Variants in FRMPD4 observed in about 807,000 individuals in gnomAD.
FRMPD4 encodes FERM and PDZ domain-containing protein 4.
Under a neutral mutation model 94.1 loss-of-function variants are expected in FRMPD4, and 22 were observed. That is an observed-to-expected ratio of 0.23 (90% CI 0.17 to 0.33). The LOEUF (loss-of-function observed/expected upper bound fraction) is 0.33. Ranked by LOEUF, FRMPD4 falls within the 10% of genes least tolerant of loss-of-function variation. The pLI is 1.00. For missense variants in FRMPD4, 1,111 were observed against 1,339.9 expected, an observed-to-expected ratio of 0.83 and a Z score of 2.67; for synonymous variants, 631 against 548.6, an observed-to-expected ratio of 1.15 and a Z score of -2.10.
intron 2 of FRMPD4, among the ~76,000 whole-genome samples, chrX:12,580,868 GA>G (rs1372716569): frequency 8.9e-6 from 1 of 112,128 alleles, no homozygotes; most frequent in Non-Finnish European, 1.9e-5. Flanking sequence ...TCTTGGGAGG[GA>G]TAGAGCAGGA....
chrX:12,025,718 G>A (rs1045444532), intron 3 of FRMPD4, among the ~76,000 whole-genome samples: 12 of 111,860 alleles, frequency 1.1e-4, no homozygotes, highest in Non-Finnish European at 2.1e-4. Flanking sequence ...ACATATCAAG[G>A]AACTGAGAAC....
Position 12,580,784 on chromosome X carries a change from A to G in FRMPD4, c.159-28937A>G, listed in dbSNP as rs188456027. Reference sequence around the variant, plus strand: ...ACACTGTTGACCCTAGGATGTCAGGAGCAGACAATGTCAATGACTAATGGG... The same window carrying G: ...ACACTGTTGACCCTAGGATGTCAGGGGCAGACAATGTCAATGACTAATGGG... On this transcript the variant is annotated intron_variant, in intron 2 of 16. Coordinates refer to ENST00000675598, the MANE Select transcript of FRMPD4 (RefSeq NM_001368397.1). Among the ~76,000 whole-genome samples the G allele has an allele frequency of 2.7e-5, 3 of 111,860 alleles. No homozygotes were observed. In the East Asian group the frequency reaches 8.4e-4, roughly 31 times the overall value.
intron 1 of FRMPD4, among the ~76,000 whole-genome samples, chrX:12,337,167 A>G (rs759146791): frequency 8.9e-6 from 1 of 112,332 alleles, no homozygotes; most frequent in African/African-American, 3.2e-5. Flanking sequence ...AAATCCATGC[A>G]GTATACACTC....
chrX:11,986,562 GAAAT>G (rs2147392728), intron 3 of FRMPD4, among the ~76,000 whole-genome samples: 1 of 111,033 alleles, frequency 9.0e-6, no homozygotes, highest in Non-Finnish European at 1.9e-5. Flanking sequence ...TAGAAGAAAA[GAAAT>G]AAAGTTCACA....
intron 4 of FRMPD4, among the ~76,000 whole-genome samples, chrX:12,650,346 G>C (rs1311488625): frequency 8.9e-6 from 1 of 112,074 alleles, no homozygotes; most frequent in East Asian, 2.8e-4. Flanking sequence ...CAGAGTCTCA[G>C]GTCATTCCAT....
chrX:12,569,592 G>A (rs2058743298), intron 2 of FRMPD4, among the ~76,000 whole-genome samples: 1 of 112,071 alleles, frequency 8.9e-6, no homozygotes, highest in Non-Finnish European at 1.9e-5. Context: ...ACCACACTCT[G>A]TTTCTGTTTT....
chrX:12,719,122 A>T (rs1421335302), intron 16 of FRMPD4, among the ~76,000 whole-genome samples: 1 of 112,638 alleles, frequency 8.9e-6, no homozygotes, highest in Non-Finnish European at 1.9e-5. Context: ...TTAGAGTCAC[A>T]TAACAGTTTG....
intron 4 of FRMPD4, among the ~76,000 whole-genome samples, chrX:12,648,933 T>G (rs1223771397): frequency 1.8e-5 from 2 of 112,136 alleles, no homozygotes; most frequent in Non-Finnish European, 3.8e-5. Flanking sequence ...AAACCTACCT[T>G]GAAGAGTTAC....
At chrX:12,479,037 T>G (rs763781903) in intron 1 of FRMPD4, among the ~76,000 whole-genome samples, 1 of 111,072 alleles carries the variant, frequency 9.0e-6, no homozygotes. Flanking sequence ...AGTAAGACTG[T>G]TAATAACACA....
chrX:12,699,546 T>C (rs1370622966), intron 9 of FRMPD4, among the ~76,000 whole-genome samples: 1 of 112,126 alleles, frequency 8.9e-6, no homozygotes, highest in Non-Finnish European at 1.9e-5. Context: ...AGTGTAAATA[T>C]TGTATGCAGA....
At chrX:11,988,901 C>A (rs556833195) in intron 3 of FRMPD4, among the ~76,000 whole-genome samples, 1 of 111,539 alleles carries the variant, frequency 9.0e-6, no homozygotes, top group Non-Finnish European at 1.9e-5. Context: ...AAAGCTACAA[C>A]GAGATATCAT....
At chrX:12,085,096 C>T (rs1418032778) in intron 3 of FRMPD4, among the ~76,000 whole-genome samples, 1 of 111,955 alleles carries the variant, frequency 8.9e-6, no homozygotes, top group East Asian at 2.8e-4. Flanking sequence ...AATTAACTCT[C>T]ATAATGGTGT....
chrX:12,191,921 G>T (rs1389475960), intron 1 of FRMPD4, among the ~76,000 whole-genome samples: 1 of 111,715 alleles, frequency 9.0e-6, no homozygotes, highest in African/African-American at 3.3e-5. Flanking sequence ...TGTAATAAAT[G>T]TACCACTGTG....
chrX:12,676,246 C>T (rs772849754), intron 5 of FRMPD4, among the ~76,000 whole-genome samples: 5 of 112,142 alleles, frequency 4.5e-5, no homozygotes, highest in African/African-American at 6.5e-5. Flanking sequence ...TGTCTGATTC[C>T]GAGATTCCTT....
At chrX:12,666,994 A>G in intron 4 of FRMPD4, among the ~76,000 whole-genome samples, 1 of 112,261 alleles carries the variant, frequency 8.9e-6, no homozygotes, top group Non-Finnish European at 1.9e-5. Flanking sequence ...CTATGTGTGC[A>G]TGTGTATACC....
At chrX:12,432,220 T>C (rs971268817) in intron 1 of FRMPD4, among the ~76,000 whole-genome samples, 4 of 112,173 alleles carry the variant, frequency 3.6e-5, no homozygotes, top group African/African-American at 9.7e-5. Context: ...CTGTAAAAAC[T>C]AGAAGCCCCC....
intron 1 of FRMPD4, among the ~76,000 whole-genome samples, chrX:12,293,559 C>T (rs972178437): frequency 1.6e-4 from 18 of 112,560 alleles, no homozygotes; most frequent in African/African-American, 5.2e-4. Context: ...ACTTGTATTG[C>T]GTAAGCCAAG....
intron 3 of FRMPD4, among the ~76,000 whole-genome samples, chrX:11,918,946 A>G (rs6640811): frequency 0.078 from 8,746 of 112,435 alleles, 272 homozygotes; most frequent in East Asian, 0.15. Context: ...GTTTCTTCCC[A>G]TCCATGTAGA....
intron 1 of FRMPD4, among the ~76,000 whole-genome samples, chrX:12,307,863 C>T (rs2054967944): frequency 9.0e-6 from 1 of 111,420 alleles, no homozygotes; most frequent in African/African-American, 3.3e-5. Context: ...GTTATGAGGA[C>T]TTGGCAAGCG....
Sources: gnomAD v4.1 joint callset for allele counts (sites outside exome capture counted in the v4.1 genomes callset) on GRCh38, gnomAD v4.1.1 for gene constraint, MANE v1.5 for transcripts, NCBI Gene and HGNC (gene_info 2026-07-23, HGNC 2026-07-21) for gene names.